FGD5: variants seen among roughly 807,000 people sequenced by gnomAD.
The protein encoded by FGD5 is FYVE, RhoGEF and PH domain-containing protein 5.
A neutral mutation model predicts 133.4 loss-of-function variants in FGD5; 28 were observed. The ratio of observed to expected loss-of-function variants is 0.21; its 90% CI spans 0.16 to 0.29. The LOEUF (loss-of-function observed/expected upper bound fraction) is 0.29, where lower values mean the gene tolerates loss of function less well. FGD5 is among the 10% of genes least tolerant of loss of function. FGD5 has a pLI of 1.00. For missense variants in FGD5, 1,858 were observed against 1,895.2 expected (o/e 0.98, Z 0.36); for synonymous variants, 810 against 776.5 (o/e 1.04, Z -0.72).
chr3:14,856,906 C>G (rs991089992), intron 1 of FGD5, among the ~76,000 whole-genome samples: 1 of 152,114 alleles, frequency 6.6e-6, no homozygotes, highest in African/African-American at 2.4e-5. Context: ...CTGGCTAGGA[C>G]TCTCAGTAGT....
At chr3:14,823,469 T>C (rs182179991) in intron 1 of FGD5, among the ~76,000 whole-genome samples, 6 of 152,344 alleles carry the variant, frequency 3.9e-5, no homozygotes, top group Non-Finnish European at 4.4e-5. Context: ...AGGGAGCTTA[T>C]TTCATCTTTT....
At position 14,930,605 on chromosome 3, in the gene FGD5, G is replaced by GA. The variant is rs201650999; in HGVS notation, c.4198-1964dup. ...TTTCCCCAGACTCTGTCTCAAAAAAGAAAAAAAATTGTTTTGGGCATTCTA... is the reference window on the plus strand; with the variant it reads ...TTTCCCCAGACTCTGTCTCAAAAAAGAAAAAAAAATTGTTTTGGGCATTCTA... On this transcript the variant is annotated intron_variant, in intron 18 of 19. Coordinates refer to ENST00000285046, the MANE Select transcript of FGD5 (RefSeq NM_152536.4). Among the ~76,000 whole-genome samples the GA allele has an allele frequency of 5.9e-3, 892 of 151,878 alleles. 10 individuals are homozygous for GA. The highest frequency in any genetic ancestry group is 0.021 in the African/African-American group (857 of 41,476).
rs2038434783 is a variant in FGD5, at chr3:14,910,872, G to T, written c.3348G>T (p.Lys1116Asn). ...TTCTCTCCCCACAGGAGTTTCTGAA[G>T]GAAGGGACGCTGATGAAAGTAACAG... ...DLLQPGREFL[K>N]EGTLMKVTGK... The change falls in exon 11 of 20, where the codon AAG becomes AAT. Residue 1116 changes from lysine to asparagine, a missense_variant. Lys to Asn is a moderately conservative substitution (Grantham distance 94). Around this residue, in one of 3 missense-constraint regions of FGD5, gnomAD observed 1,824 missense variants for 1,848.9 expected, o/e 0.99. Coordinates refer to ENST00000285046, the MANE Select transcript of FGD5 (RefSeq NM_152536.4). The T allele has an allele frequency of 6.2e-7, 1 of 1,613,220 alleles. No homozygotes were observed. The highest frequency in any genetic ancestry group is 1.3e-5 in the African/African-American group (1 of 74,894).
chr3:14,925,965 A>G (rs920995318), intron 17 of FGD5, 105 bp from the exon 18 acceptor site: 7 of 1,454,924 alleles, frequency 4.8e-6, no homozygotes, highest in Middle Eastern at 2.4e-4. Context: ...TCAAAGCAGT[A>G]TAAGTAGTCA....
chr3:14,890,545 G>C (rs1167325527), intron 4 of FGD5, among the ~76,000 whole-genome samples: 1 of 152,192 alleles, frequency 6.6e-6, no homozygotes, highest in Non-Finnish European at 1.5e-5. Context: ...GGCCCAAGTT[G>C]ATGAGTTGAT....
intron 13 of FGD5, chr3:14,921,444 A>G (rs886683330): frequency 5.9e-6 from 1 of 169,402 alleles, no homozygotes; most frequent in South Asian, 1.5e-4. Context: ...TGCCTGTTGG[A>G]TGACTGTCTG....
chr3:14,915,358 C>T (rs182692657), intron 11 of FGD5, among the ~76,000 whole-genome samples: 155 of 152,380 alleles, frequency 1.0e-3, no homozygotes, highest in Admixed American at 1.7e-3. Context: ...TCTGACTTTT[C>T]ACATGCAGTG....
intron 1 of FGD5, chr3:14,810,960 C>A: frequency 2.1e-6 from 2 of 949,756 alleles, no homozygotes; most frequent in Non-Finnish European, 2.5e-6. Context: ...CCGGGGCTAG[C>A]TGCCCGAAAT....
chr3:14,821,761 CAT>C, intron 1 of FGD5, 165 bp downstream of exon 1: 1 of 1,027,478 alleles, frequency 9.7e-7, no homozygotes, highest in Non-Finnish European at 1.3e-6. Context: ...TCGGTTACTT[CAT>C]CCGTGAAATG....
At chr3:14,909,624 A>G (rs1285477940) in intron 10 of FGD5, among the ~76,000 whole-genome samples, 1 of 152,234 alleles carries the variant, frequency 6.6e-6, no homozygotes, top group Non-Finnish European at 1.5e-5. Flanking sequence ...GATCTCAGGA[A>G]ATTTTATCTT....
intron 1 of FGD5, among the ~76,000 whole-genome samples, chr3:14,854,906 T>C (rs2037247541): frequency 1.3e-5 from 2 of 152,152 alleles, no homozygotes; most frequent in Admixed American, 6.5e-5. Context: ...CTATATAATA[T>C]ATGATTGATA....
chr3:14,819,279 A>T lies in FGD5; in HGVS notation c.208A>T (p.Arg70Trp). The T allele has an allele frequency of 6.5e-7, 1 of 1,531,994 alleles. No individual in the cohort carries two copies. The highest frequency in any genetic ancestry group is 8.8e-7 in the Non-Finnish European group (1 of 1,136,864). 94.9% of individuals were successfully genotyped at this position (1,531,994 alleles called of 1,614,324 possible). The change falls in exon 1 of 20, where the codon AGG (arginine) becomes TGG (tryptophan). Residue 70 changes from arginine to tryptophan, a missense_variant. Arg to Trp is a moderately radical substitution (Grantham distance 101). Coordinates refer to ENST00000285046, the MANE Select transcript of FGD5 (RefSeq NM_152536.4). This position sits in a 1 kb window ranked among gnomAD's most constrained non-coding sequence, Gnocchi z 4.1. ...CGACGAGGATTACATCGTGGTCCCC[A>T]GGGTTCCGCTGAGGGAGGATGAACC... ...ETDEDYIVVPRVPLREDEPKD... is the reference protein window; with the variant it reads ...ETDEDYIVVPWVPLREDEPKD...
At chr3:14,856,106 G>A (rs2037272804) in intron 1 of FGD5, among the ~76,000 whole-genome samples, 1 of 152,018 alleles carries the variant, frequency 6.6e-6, no homozygotes, top group African/African-American at 2.4e-5. Flanking sequence ...TGGATATTCA[G>A]TTTTCCCAGA....
rs10644004 is a variant in FGD5, at chr3:14,812,001, G to GGTGTGTGT, written c.13+1159_13+1166dup. 2.0e-3 allele frequency among the ~76,000 whole-genome samples: 295 copies of GGTGTGTGT among 145,664 alleles called. 1 individual carries two copies. Among genetic ancestry groups the GGTGTGTGT allele is most frequent in the African/African-American group, 6.2e-3 (245 of 39,760 alleles). On this transcript the variant is annotated intron_variant, in intron 1 of 1. Transcript: ENST00000640506. Reference sequence around the variant, plus strand: ...GGCTGTCTTGGAACCATATCCTGCTGGTGTGTGTGTGTGTGTGTGTGTGTG... The same window carrying GGTGTGTGT: ...GGCTGTCTTGGAACCATATCCTGCTGGTGTGTGTGTGTGTGTGTGTGTGTGTGTGTGTG...
At chr3:14,877,255 G>T (rs916129087) in intron 2 of FGD5, among the ~76,000 whole-genome samples, 1 of 152,262 alleles carries the variant, frequency 6.6e-6, no homozygotes, top group Admixed American at 6.5e-5. Flanking sequence ...AGCCTGCCAG[G>T]CCTCCCCGTT....
chr3:14,851,706 A>G (rs1022670143), intron 1 of FGD5, among the ~76,000 whole-genome samples: 2 of 152,146 alleles, frequency 1.3e-5, no homozygotes, highest in African/African-American at 2.4e-5. Context: ...AGATCTTCTA[A>G]AAGTTTAAAT....
intron 10 of FGD5, among the ~76,000 whole-genome samples, chr3:14,908,062 A>T (rs1027672282): frequency 2.6e-5 from 4 of 152,230 alleles, no homozygotes; most frequent in African/African-American, 9.6e-5. Context: ...GCAAACCCTT[A>T]GAAATTTTCT....
In FGD5 at chr3:14,821,273, C is replaced by T. The variant is rs1465231571; in HGVS notation, c.2202C>T (p.Pro734=). The change falls in exon 1 of 20, where the codon CCC becomes CCT. Residue 734 remains proline, a synonymous_variant. Coordinates refer to ENST00000285046, the MANE Select transcript of FGD5 (RefSeq NM_152536.4). The part of the protein sequence containing the change: ...FYRDGKRKGV[P]FSRTVSRVES... ...GAGATGGCAAGAGGAAAGGTGTCCCCTTCAGCAGGACGGTGTCCAGAGTGG... is the reference window on the plus strand; with the variant it reads ...GAGATGGCAAGAGGAAAGGTGTCCCTTTCAGCAGGACGGTGTCCAGAGTGG... 6.2e-7 allele frequency: 1 copy of T among 1,613,854 alleles called. No homozygotes were observed. Among genetic ancestry groups the T allele is most frequent in the Non-Finnish European group, 8.5e-7 (1 of 1,179,902 alleles).
intron 11 of FGD5, among the ~76,000 whole-genome samples, chr3:14,916,619 G>A (rs11128722): frequency 0.48 from 72,653 of 151,988 alleles, 18,160 homozygotes; most frequent in Non-Finnish European, 0.56. Context: ...ACTGACAAGT[G>A]TATATCACAG....
Sources: allele counts gnomAD v4.1 joint callset (sites outside exome capture counted in the v4.1 genomes callset), GRCh38; gene constraint gnomAD v4.1.1; regional missense constraint gnomAD v4.1.1; non-coding constraint Gnocchi (gnomAD v3.1); transcripts MANE v1.5; gene names NCBI Gene and HGNC (gene_info 2026-07-23, HGNC 2026-07-21).